TUBGCP6: variants seen among roughly 807,000 people sequenced by gnomAD.
The protein encoded by TUBGCP6 is gamma-tubulin complex component 6.
A neutral mutation model predicts 175.8 loss-of-function variants in TUBGCP6; 161 were observed. The observed-to-expected ratio is 0.92, with a 90% confidence interval of 0.81 to 1.04. TUBGCP6 has a LOEUF of 1.04. Among genes scored for constraint, TUBGCP6 ranks in the 50% least tolerant of loss-of-function variants. The probability of loss-of-function intolerance (pLI) is 0.00; values close to 1 mark genes in which losing one functional copy is unlikely to be tolerated. For missense variants in TUBGCP6, 2,572 were observed against 2,433.0 expected, an observed-to-expected ratio of 1.06 and a Z score of -1.20; for synonymous variants, 1,173 against 1,030.5, an observed-to-expected ratio of 1.14 and a Z score of -2.65.
intron 13 of TUBGCP6, 103 bp from the exon 14 acceptor site, chr22:50,222,695 G>A (rs1333937707): frequency 1.3e-6 from 2 of 1,508,542 alleles, no homozygotes; most frequent in Non-Finnish European, 1.8e-6. Context: ...AGGCCCCAGT[G>A]GGCCCCCGCC....
rs1396005913 is a variant in TUBGCP6 at position 50,220,946 on chromosome 22, G to A, written c.3413C>T (p.Ser1138Phe). The change falls in exon 16 of 25, where the codon TCC becomes TTC. Residue 1138 changes from serine (S) to phenylalanine (F), a missense_variant. Transcript: ENST00000248846. ...RPRWNTHGHV[S>F]NASIRVGENV... ...CTCCCCAACCCTGATGCTGGCGTTGGACACGTGCCCGTGGGTATTCCACCG... is the reference window on the plus strand; with the variant it reads ...CTCCCCAACCCTGATGCTGGCGTTGAACACGTGCCCGTGGGTATTCCACCG... The A allele has an allele frequency of 1.9e-6, 3 of 1,606,830 alleles. No homozygotes were observed. The highest frequency in any genetic ancestry group is 2.6e-6 in the Non-Finnish European group (3 of 1,175,718).
At chr22:50,225,522 CAGG>C (rs2064592379) in intron 10 of TUBGCP6, among the ~76,000 whole-genome samples, 6 of 152,084 alleles carry the variant, frequency 3.9e-5, no homozygotes, top group Admixed American at 1.3e-4. Flanking sequence ...CACCCAGACC[CAGG>C]AGGAGAAGTC....
chr22:50,232,428 C>T (rs1466251228), intron 3 of TUBGCP6, among the ~76,000 whole-genome samples: 1 of 151,128 alleles, frequency 6.6e-6, no homozygotes, highest in Non-Finnish European at 1.5e-5. Context: ...TGTGGTGGCA[C>T]GTGCCTGTAG....
At chr22:50,232,048 C>A (rs905733310) in intron 3 of TUBGCP6, among the ~76,000 whole-genome samples, 2 of 150,130 alleles carry the variant, frequency 1.3e-5, no homozygotes, top group Admixed American at 6.6e-5. Context: ...CGGCAAGACC[C>A]CATCTCTTCA....
chr22:50,226,801 G>C lies in TUBGCP6; in HGVS notation c.1533C>G (p.His511Gln). ...LLSYLYQEAL[H>Q]NCSNEHYPVL... ...CAGGGTAGTGCTCGTTGCTGCAGTT[G>C]TGCAGAGCCTCCTGGTAGAGGTAGG... is the stretch of plus-strand genomic sequence containing the variant. The change falls in exon 7 of 25, where the codon CAC becomes CAG. Residue 511 changes from histidine (H) to glutamine (Q), a missense_variant. By Grantham distance (24) the His-to-Gln change is conservative (BLOSUM62 0). Transcript: ENST00000248846. The C allele has an allele frequency of 6.3e-7, 1 of 1,590,958 alleles. No individual in the cohort carries two copies. Among genetic ancestry groups the C allele is most frequent in the Non-Finnish European group, 8.6e-7 (1 of 1,169,464 alleles).
intron 2 of TUBGCP6, among the ~76,000 whole-genome samples, chr22:50,238,752 T>C (rs1162778728): frequency 6.6e-6 from 1 of 152,012 alleles, no homozygotes; most frequent in Non-Finnish European, 1.5e-5. Context: ...TTAGCCAGGA[T>C]GGTCTCGATC....
chr22:50,221,816 G>A lies in TUBGCP6; in HGVS notation c.2543C>T (p.Ala848Val), dbSNP rs1434725933. 6.6e-7 allele frequency: 1 copy of A among 1,511,564 alleles called. No individual in the cohort carries two copies. The highest frequency in any genetic ancestry group is 2.3e-5 in the East Asian group (1 of 43,898). 93.6% of individuals were successfully genotyped at this position (1,511,564 alleles called of 1,614,324 possible). A position where few individuals can be genotyped will look rare whatever the true frequency, so the allele number is the denominator to read the frequency against. Reference sequence around the variant, plus strand: ...ATCCCAGGCAGGCGAGTGTTGCTCTGCAGACCCAGAATCACAGCCTTGGCC... The same window carrying A: ...ATCCCAGGCAGGCGAGTGTTGCTCTACAGACCCAGAATCACAGCCTTGGCC... ...EGGQGCDSGSAEQHSPAWDGW... is the reference protein window; with the variant it reads ...EGGQGCDSGSVEQHSPAWDGW... The change falls in exon 16 of 25, where the codon GCA becomes GTA. Residue 848 changes from alanine to valine, a missense_variant. Transcript: ENST00000248846.
intron 13 of TUBGCP6, chr22:50,223,765 GCAAGACTCTGTTTC>G (rs2064562842): frequency 7.4e-6 from 1 of 136,010 alleles, no homozygotes; most frequent in Non-Finnish European, 1.4e-5. Flanking sequence ...GGGTGACAGA[GCAAGACTCTGTTTC>G]CAAAAAAAAA....
In TUBGCP6 at chr22:50,243,631, A is replaced by AG. The variant is rs1569129160; in HGVS notation, c.741+87_741+88insC. 1.7e-4 allele frequency: 197 copies of AG among 1,144,550 alleles called. No homozygotes were observed. In the South Asian group the frequency reaches 2.5e-3, roughly 14 times the overall value. The allele number at this position is 1,144,550 out of a possible 1,614,324, so 70.9% of individuals were successfully genotyped here. ...AGACACTGTCTCAAAAAAAAAAAAA[A>AG]AAAGAAGAAGAAGAAGAAGAAGAAA... On this transcript the variant is annotated intron_variant, in intron 1 of 24. Transcript: ENST00000248846.
At position 50,240,204 on chromosome 22, in the gene TUBGCP6, C is replaced by T. The variant is rs1327832650; in HGVS notation, c.905G>A (p.Cys302Tyr). 6.2e-7 allele frequency: 1 copy of T among 1,613,480 alleles called. No homozygotes were observed. The highest frequency in any genetic ancestry group is 1.7e-5 in the Admixed American group (1 of 59,998). Residue 302 changes from cysteine to tyrosine, a missense_variant and splice_region_variant, in exon 2 of 25, where the codon TGC becomes TAC. By Grantham distance (194) the Cys-to-Tyr change is radical. Coordinates refer to ENST00000248846, the MANE Select transcript of TUBGCP6 (RefSeq NM_020461.4). Reference sequence around the variant, plus strand: ...TGCCAAGGCAAAGAAGGGCACACACCAGCCAACTCGCTCCCAGCACCTCCG... The same window carrying T: ...TGCCAAGGCAAAGAAGGGCACACACTAGCCAACTCGCTCCCAGCACCTCCG... ...SKRRCWERVG[C>Y]PPGHREEPYL...
chr22:50,219,413 C>T lies in TUBGCP6; in HGVS notation c.4359G>A (p.Arg1453=). ...IAHLLRPVLP[R]AFAFPVDPQV... is the part of the protein sequence containing the mutation. ...GGGGGTCCACGGGGAAGGCGAAGGC[C>T]CGGGGAAGCACGGGGCGCAAAAGAT... Residue 1453 remains arginine, a synonymous_variant, in exon 19 of 25, where the codon CGG becomes CGA. Coordinates refer to ENST00000248846, the MANE Select transcript of TUBGCP6 (RefSeq NM_020461.4). 3 of 1,570,682 alleles carry T rather than the reference C, an allele frequency of 1.9e-6. No homozygotes were observed. Among genetic ancestry groups the T allele is most frequent in the Non-Finnish European group, 2.6e-6 (3 of 1,158,678 alleles).
chr22:50,231,259 G>C (rs2064685962), intron 3 of TUBGCP6, among the ~76,000 whole-genome samples: 1 of 58,184 alleles, frequency 1.7e-5, no homozygotes, highest in Admixed American at 1.5e-4. Flanking sequence ...TTTGAGACCA[G>C]CCTGGTCAAC....
At chr22:50,227,623 T>C (rs563793302) in intron 5 of TUBGCP6, among the ~76,000 whole-genome samples, 2 of 152,292 alleles carry the variant, frequency 1.3e-5, no homozygotes, top group East Asian at 3.9e-4. Context: ...AACCAGCTTG[T>C]GTGTACCGGA....
Position 50,218,108 on chromosome 22 carries a change from G to A in TUBGCP6, c.5178C>T (p.Leu1726=), listed in dbSNP as rs779558085. The A allele has an allele frequency of 6.8e-5, 109 of 1,612,322 alleles. No individual in the cohort carries two copies. In the Admixed American group the frequency reaches 1.8e-3, roughly 27 times the overall value. The change falls in exon 24 of 25, where the codon CTC becomes CTT. Residue 1726 remains leucine (L), a synonymous_variant. Transcript: ENST00000248846. The part of the protein sequence containing the change: ...YLHKAVFRGL[L]TEKAAPVMNV... The stretch of plus-strand genomic sequence containing the variant: ...TCATGACGGGCGCCGCCTTCTCCGT[G>A]AGCAGGCCCCTGGGGGGAAGCAGTG...
intron 3 of TUBGCP6, among the ~76,000 whole-genome samples, chr22:50,232,086 C>T (rs1008494954): frequency 1.3e-5 from 2 of 151,478 alleles, no homozygotes; most frequent in Non-Finnish European, 2.9e-5. Context: ...CTGGGTGGGC[C>T]GGGCGTGGTG....
Position 50,219,369 on chromosome 22 carries a change from T to C in TUBGCP6, c.4403A>G (p.Asp1468Gly). 6.3e-7 allele frequency: 1 copy of C among 1,584,272 alleles called. No homozygotes were observed. The highest frequency in any genetic ancestry group is 8.6e-7 in the Non-Finnish European group (1 of 1,166,418). ...PVDPQVQSAA[D>G]ETAVQLSELL... The stretch of plus-strand genomic sequence containing the variant: ...CTCGCTCAGCTGCACAGCAGTCTCA[T>C]CAGCGGCAGACTGGACCTGGGGGTC... The change falls in exon 19 of 25, where the codon GAT (aspartate) becomes GGT (glycine). Residue 1468 changes from aspartate to glycine, a missense_variant. Transcript: ENST00000248846.
rs1434795884 is a variant in TUBGCP6 at position 50,224,187 on chromosome 22, C to T, written c.2224G>A (p.Glu742Lys). The change falls in exon 13 of 25, where the codon GAG becomes AAG. Residue 742 changes from glutamate to lysine, a missense_variant. Coordinates refer to ENST00000248846, the MANE Select transcript of TUBGCP6 (RefSeq NM_020461.4). ...TCCTCCAGGGACTTCAGCCTTCTCT[C>T]CCTGTCTCGGAGTTCACGGGCGTAG... ...FSYARELRDR[E>K]RRLKSLEEEL... The T allele has an allele frequency of 1.2e-6, 2 of 1,614,134 alleles. No individual in the cohort carries two copies. The highest frequency in any genetic ancestry group is 4.5e-5 in the East Asian group (2 of 44,888).
Position 50,221,346 on chromosome 22 carries a change from G to A in TUBGCP6, c.3013C>T (p.Pro1005Ser), listed in dbSNP as rs1323520224. 5.6e-6 allele frequency: 9 copies of A among 1,612,768 alleles called. No homozygotes were observed. Among genetic ancestry groups the A allele is most frequent in the Non-Finnish European group, 7.6e-6 (9 of 1,179,900 alleles). ...GCAGCACGCCTGGGTGGGTGTGAGGGGAGCAGAGTCTCCCGCGAGGCGGAG... is the reference window on the plus strand; with the variant it reads ...GCAGCACGCCTGGGTGGGTGTGAGGAGAGCAGAGTCTCCCGCGAGGCGGAG... ...CGSASRETLL[P>S]SHPPRRAALE... Residue 1005 changes from proline (P) to serine (S), a missense_variant, in exon 16 of 25, where the codon CCC becomes TCC. Coordinates refer to ENST00000248846, the MANE Select transcript of TUBGCP6 (RefSeq NM_020461.4).
At position 50,220,929 on chromosome 22, in the gene TUBGCP6, C is replaced by T. The variant is rs778548808; in HGVS notation, c.3430G>A (p.Val1144Ile). The T allele has an allele frequency of 9.3e-6, 15 of 1,604,684 alleles. 1 individual carries two copies. In the South Asian group the frequency reaches 1.7e-4, roughly 18 times the overall value. ...GCCACGTCCGACACGTTCTCCCCAA[C>T]CCTGATGCTGGCGTTGGACACGTGC... ...HGHVSNASIRVGENVSDVAPT... is the reference protein window; with the variant it reads ...HGHVSNASIRIGENVSDVAPT... The change falls in exon 16 of 25, where the codon GTT becomes ATT. Residue 1144 changes from valine to isoleucine, a missense_variant. Coordinates refer to ENST00000248846, the MANE Select transcript of TUBGCP6 (RefSeq NM_020461.4).
Sources: gnomAD v4.1 joint callset for allele counts (sites outside exome capture counted in the v4.1 genomes callset) on GRCh38, gnomAD v4.1.1 for gene constraint, MANE v1.5 for transcripts, NCBI Gene and HGNC (gene_info 2026-07-23, HGNC 2026-07-21) for gene names.